FMN1: variants seen among roughly 807,000 people sequenced by gnomAD.
The protein encoded by FMN1 is formin 1.
In FMN1, 110 loss-of-function variants were observed where a neutral mutation model predicts 132.4. The ratio of observed to expected loss-of-function variants is 0.83; its 90% CI spans 0.71 to 0.97. The LOEUF (loss-of-function observed/expected upper bound fraction) is 0.97. Ranked by LOEUF, FMN1 falls within the 50% of genes least tolerant of loss-of-function variation. FMN1 has a pLI of 0.00. For missense variants in FMN1, 1,792 were observed against 1,705.3 expected (o/e 1.05, Z -0.90); for synonymous variants, 722 against 651.7 (o/e 1.11, Z -1.64).
chr15:32,806,537 T>C (rs188681029), intron 17 of FMN1, among the ~76,000 whole-genome samples: 20 of 152,344 alleles, frequency 1.3e-4, no homozygotes, highest in Admixed American at 1.3e-3. Context: ...AACCTTCCAA[T>C]GGCTTGTCTT....
At chr15:33,069,445 A>C (rs1171501601) in intron 5 of FMN1, among the ~76,000 whole-genome samples, 1 of 152,224 alleles carries the variant, frequency 6.6e-6, no homozygotes, top group African/African-American at 2.4e-5. Context: ...GCAAAGGTCC[A>C]AGAAGATTGT....
At chr15:32,934,705 C>T (rs1319075067) in intron 9 of FMN1, among the ~76,000 whole-genome samples, 2 of 149,712 alleles carry the variant, frequency 1.3e-5, no homozygotes, top group African/African-American at 2.5e-5. Flanking sequence ...CTCCCAGGTT[C>T]AAGCGATTCT....
intron 6 of FMN1, among the ~76,000 whole-genome samples, chr15:33,016,272 C>G (rs2035041214): frequency 6.6e-6 from 1 of 152,200 alleles, no homozygotes; most frequent in Non-Finnish European, 1.5e-5. Context: ...CACAAAGCTT[C>G]TCTGACCATT....
intron 4 of FMN1, among the ~76,000 whole-genome samples, chr15:33,126,223 G>C (rs1387597636): frequency 6.6e-6 from 1 of 151,382 alleles, no homozygotes; most frequent in African/African-American, 2.5e-5. Flanking sequence ...AAGACAGAGA[G>C]TTTTCCTAGA....
chr15:33,072,513 G>A (rs187121712), intron 5 of FMN1, among the ~76,000 whole-genome samples: 11 of 152,310 alleles, frequency 7.2e-5, no homozygotes, highest in Non-Finnish European at 1.5e-4. Flanking sequence ...TTAAAAATGT[G>A]AGCATAGTAT....
chr15:32,828,882 C>T (rs943113906), intron 17 of FMN1, among the ~76,000 whole-genome samples: 1 of 152,186 alleles, frequency 6.6e-6, no homozygotes, highest in East Asian at 1.9e-4. Context: ...CAGAATTCCT[C>T]CCAGTGAACA....
At chr15:32,883,616 C>T (rs895659533) in intron 16 of FMN1, among the ~76,000 whole-genome samples, 2 of 145,144 alleles carry the variant, frequency 1.4e-5, no homozygotes, top group African/African-American at 5.0e-5. Flanking sequence ...CCCTACGTTA[C>T]TAGAGATCCT....
chr15:32,995,602 C>G (rs771874967), intron 7 of FMN1, among the ~76,000 whole-genome samples: 10 of 152,158 alleles, frequency 6.6e-5, no homozygotes, highest in Non-Finnish European at 1.5e-4. Flanking sequence ...ATCATTATTA[C>G]CATCATTACT....
At chr15:33,014,579 GT>G (rs2034929206) in intron 6 of FMN1, among the ~76,000 whole-genome samples, 1 of 152,082 alleles carries the variant, frequency 6.6e-6, no homozygotes, top group Non-Finnish European at 1.5e-5. Flanking sequence ...AAACAATAAT[GT>G]AGTCCATGAA....
intron 9 of FMN1, among the ~76,000 whole-genome samples, chr15:32,960,870 C>T (rs964038006): frequency 6.6e-6 from 1 of 151,462 alleles, no homozygotes; most frequent in Non-Finnish European, 1.5e-5. Context: ...TGGTGCATGC[C>T]TGTAATCCTA....
At chr15:32,821,861 A>T (rs1305746340) in intron 17 of FMN1, among the ~76,000 whole-genome samples, 1 of 152,036 alleles carries the variant, frequency 6.6e-6, no homozygotes, top group East Asian at 1.9e-4. Context: ...TTTTCCTTTC[A>T]TTCTCCTCCT....
At chr15:32,900,208 T>A in intron 13 of FMN1, 83 bp from the exon 14 acceptor site, 1 of 1,463,026 alleles carries the variant, frequency 6.8e-7, no homozygotes, top group Non-Finnish European at 9.5e-7. Context: ...GACTGTGTAC[T>A]CAATAGGCTG....
intron 17 of FMN1, among the ~76,000 whole-genome samples, chr15:32,811,320 T>TA (rs962355956): frequency 2.0e-5 from 3 of 152,156 alleles, no homozygotes; most frequent in Admixed American, 2.0e-4. Context: ...AGCTGGATGG[T>TA]AAAGTTGAAG....
chr15:32,805,936 C>T (rs187130088), intron 17 of FMN1, among the ~76,000 whole-genome samples: 1 of 152,134 alleles, frequency 6.6e-6, no homozygotes, highest in Non-Finnish European at 1.5e-5. Context: ...AGGTTAAGAA[C>T]CTATGTTCTT....
At chr15:33,048,002 G>A (rs1379616095) in intron 6 of FMN1, among the ~76,000 whole-genome samples, 1 of 152,082 alleles carries the variant, frequency 6.6e-6, no homozygotes, top group African/African-American at 2.4e-5. Flanking sequence ...TTTGCTTAAA[G>A]AAAAATAAGT....
chr15:33,032,923 G>A (rs922500095), intron 6 of FMN1, among the ~76,000 whole-genome samples: 2 of 152,206 alleles, frequency 1.3e-5, no homozygotes, highest in Non-Finnish European at 2.9e-5. Flanking sequence ...AGGTCATTGT[G>A]AGGTTTAGAG....
chr15:33,014,023 C>T (rs1271220777), intron 6 of FMN1, among the ~76,000 whole-genome samples: 1 of 98,618 alleles, frequency 1.0e-5, no homozygotes, highest in Non-Finnish European at 2.2e-5. Flanking sequence ...TCATCTCCTC[C>T]TTTAACAAAT....
intron 17 of FMN1, among the ~76,000 whole-genome samples, chr15:32,835,691 T>C (rs935685920): frequency 7.9e-5 from 12 of 152,182 alleles, no homozygotes; most frequent in Admixed American, 5.2e-4. Context: ...AGTGTAACTT[T>C]GGTGTTCAGA....
intron 4 of FMN1, among the ~76,000 whole-genome samples, chr15:33,143,830 A>G (rs192075306): frequency 6.6e-6 from 1 of 152,368 alleles, no homozygotes; most frequent in Admixed American, 6.5e-5. Context: ...CATGCATCCA[A>G]AGTAAAAGAT....
Sources: allele counts gnomAD v4.1 joint callset (sites outside exome capture counted in the v4.1 genomes callset), GRCh38; gene constraint gnomAD v4.1.1; transcripts MANE v1.5; gene names NCBI Gene and HGNC (gene_info 2026-07-23, HGNC 2026-07-21).